WDR62: variants seen among roughly 807,000 people sequenced by gnomAD.
WDR62 encodes the protein WD repeat domain 62, also known as WD repeat-containing protein 62.
Under a neutral mutation model 160.6 loss-of-function variants are expected in WDR62, and 112 were observed. The ratio of observed to expected loss-of-function variants is 0.70; its 90% CI spans 0.60 to 0.82. The LOEUF (loss-of-function observed/expected upper bound fraction) is 0.82. WDR62 is among the 40% of genes least tolerant of loss of function. The pLI, the probability that WDR62 is intolerant of heterozygous loss-of-function variation, is 0.00. For missense variants in WDR62, 1,819 were observed against 1,983.8 expected (o/e 0.92, Z 1.58); for synonymous variants, 792 against 815.1 (o/e 0.97, Z 0.48).
intron 9 of WDR62, among the ~76,000 whole-genome samples, chr19:36,077,595 CTCTT>C (rs1194819888): frequency 2.7e-5 from 4 of 146,258 alleles, no homozygotes; most frequent in Middle Eastern, 4.1e-3. Context: ...CTTTCTTTTC[CTCTT>C]TCTTTCTTTT....
intron 9 of WDR62, among the ~76,000 whole-genome samples, chr19:36,080,081 A>G (rs1971802742): frequency 6.6e-6 from 1 of 151,576 alleles, no homozygotes. Flanking sequence ...AGTTATATCT[A>G]ATCTTTGGTT....
At chr19:36,080,992 T>A (rs1247840598) in intron 9 of WDR62, among the ~76,000 whole-genome samples, 1 of 152,122 alleles carries the variant, frequency 6.6e-6, no homozygotes, top group African/African-American at 2.4e-5. Flanking sequence ...CAGTCTCATA[T>A]GTTGGCCAGA....
At position 36,097,143 on chromosome 19, in the gene WDR62, T is replaced by C. The variant is rs573426124; in HGVS notation, c.2520+64T>C. On this transcript the variant is annotated intron_variant, in intron 21 of 31. Transcript: ENST00000401500. Reference sequence around the variant, plus strand: ...AGGAAACGCCTCCCCAGCTCTGCCTTCTGGAAGCCCTTTTTCCTTTCCATG... The same window carrying C: ...AGGAAACGCCTCCCCAGCTCTGCCTCCTGGAAGCCCTTTTTCCTTTCCATG... The C allele has an allele frequency of 2.0e-5, 31 of 1,522,530 alleles. 2 individuals are homozygous for C. The South Asian group carries it at 3.5e-4, about 17-fold the overall frequency. The allele number at this position is 1,522,530 out of a possible 1,614,324, so 94.3% of individuals were successfully genotyped here.
chr19:36,104,250 C>T (rs1307248385), intron 30 of WDR62, among the ~76,000 whole-genome samples: 2 of 152,114 alleles, frequency 1.3e-5, no homozygotes, highest in African/African-American at 4.8e-5. Context: ...ATATGTATCA[C>T]GAAGTGACAC....
intron 30 of WDR62, 97 bp from the exon 31 acceptor site, chr19:36,104,421 C>G: frequency 1.3e-6 from 2 of 1,503,902 alleles, no homozygotes; most frequent in Admixed American, 1.8e-5. Context: ...GAGAAGTGTT[C>G]CAGACAGAAG....
At chr19:36,078,359 G>A (rs1971700949) in intron 9 of WDR62, among the ~76,000 whole-genome samples, 1 of 151,234 alleles carries the variant, frequency 6.6e-6, no homozygotes, top group African/African-American at 2.4e-5. Flanking sequence ...TGTTGGCCAG[G>A]TTGGTCTCAA....
rs556800242 is a variant in WDR62, at chr19:36,092,782, A to G, written c.2304A>G (p.Thr768=). 6.2e-7 allele frequency: 1 copy of G among 1,614,136 alleles called. No homozygotes were observed. The highest frequency in any genetic ancestry group is 1.7e-5 in the Admixed American group (1 of 60,024). The change falls in exon 19 of 32, where the codon ACA becomes ACG. Residue 768 remains threonine, a synonymous_variant. Transcript: ENST00000401500. Reference sequence around the variant, plus strand: ...ACCACCGGCAGCAGCAGCAGCACACAAATGACAAGAAGCGGAGTGGCCACC... The same window carrying G: ...ACCACCGGCAGCAGCAGCAGCACACGAATGACAAGAAGCGGAGTGGCCACC... ...EIDHRQQQQH[T]NDKKRSGHPR... is the part of the protein sequence containing the mutation.
chr19:36,078,134 G>C (rs1971683293), intron 9 of WDR62, among the ~76,000 whole-genome samples: 1 of 151,302 alleles, frequency 6.6e-6, no homozygotes, highest in Non-Finnish European at 1.5e-5. Flanking sequence ...CTATGAACAT[G>C]TAAGTACAAG....
intron 13 of WDR62, among the ~76,000 whole-genome samples, chr19:36,088,190 AT>A (rs1258336944): frequency 6.6e-6 from 1 of 152,138 alleles, no homozygotes; most frequent in African/African-American, 2.4e-5. Context: ...TCAGAGTTTT[AT>A]ATTTGTTCTG....
chr19:36,080,015 C>T (rs1406939732), intron 9 of WDR62, among the ~76,000 whole-genome samples: 1 of 152,182 alleles, frequency 6.6e-6, no homozygotes, highest in Admixed American at 6.5e-5. Flanking sequence ...TTGTCCTTCT[C>T]AGCTTCATTC....
At chr19:36,086,415 G>A (rs1475310836) in intron 12 of WDR62, among the ~76,000 whole-genome samples, 1 of 152,210 alleles carries the variant, frequency 6.6e-6, no homozygotes, top group African/African-American at 2.4e-5. Flanking sequence ...GGCGTCTGCT[G>A]TGGATGTCCC....
chr19:36,066,085 G>A (rs1014386056), intron 4 of WDR62, 70 bp downstream of exon 4: 102 of 1,587,436 alleles, frequency 6.4e-5, no homozygotes, highest in Non-Finnish European at 7.3e-5. Flanking sequence ...TTCTGCTCCC[G>A]GCAGGCCTGG....
intron 9 of WDR62, among the ~76,000 whole-genome samples, chr19:36,078,601 G>A (rs1351362164): frequency 6.6e-6 from 1 of 151,904 alleles, no homozygotes; most frequent in Non-Finnish European, 1.5e-5. Context: ...TTGGGAGGCC[G>A]AGGCAGGTGG....
rs1972098353 is a variant in WDR62, at chr19:36,084,671, C to G, written c.1569C>G (p.Phe523Leu). 6.2e-7 allele frequency: 1 copy of G among 1,613,892 alleles called. No homozygotes were observed. The highest frequency in any genetic ancestry group is 2.2e-5 in the East Asian group (1 of 44,882). ...CTCCCAGGATCCACGAGCTGCACTT[C>G]ATGGACGAGCTGGTCAAGGTGGAGG... ...SGNLRIHELH[F>L]MDELVKVEAH... The change falls in exon 12 of 32, where the codon TTC becomes TTG. Residue 523 changes from phenylalanine to leucine, a missense_variant. This residue lies in a region of WDR62 where 934 missense variants were observed against 1,157.2 expected (regional missense o/e 0.81). Transcript: ENST00000401500.
intron 1 of WDR62, among the ~76,000 whole-genome samples, chr19:36,056,673 A>G (rs1970388645): frequency 6.6e-6 from 1 of 152,228 alleles, no homozygotes; most frequent in African/African-American, 2.4e-5. Flanking sequence ...ACATATAACA[A>G]TAGCAAATTC....
In WDR62 at chr19:36,081,501, C is replaced by T. The variant is rs1336679196; in HGVS notation, c.1302C>T (p.Asp434=). ...PSGSFLTCSS[D]NTIRFWNLDS... is the part of the protein sequence containing the mutation. ...GATCCTTTCTGACTTGTTCTTCAGA[C>T]AACACCATTCGCTTCTGGAACTTGG... Residue 434 remains aspartate (D), a synonymous_variant, in exon 10 of 32, where the codon GAC becomes GAT. Transcript: ENST00000401500. 1 of 1,614,184 alleles carries T rather than the reference C, an allele frequency of 6.2e-7. No homozygotes were observed. Among genetic ancestry groups the T allele is most frequent in the East Asian group, 2.2e-5 (1 of 44,884 alleles).
chr19:36,068,937 C>T (rs1158812102), intron 7 of WDR62, among the ~76,000 whole-genome samples: 1 of 151,708 alleles, frequency 6.6e-6, no homozygotes, highest in Admixed American at 6.6e-5. Context: ...GGCGGCCGGG[C>T]AGAGGCACCC....
chr19:36,073,533 T>TGGGGGGGGGGGGG lies in WDR62; in HGVS notation c.1233+3_1233+4insGGGGGGGGGGGGG. On this transcript the variant is annotated splice_region_variant and intron_variant, in intron 9 of 31. Coordinates refer to ENST00000401500, the MANE Select transcript of WDR62 (RefSeq NM_001083961.2). ...AGCTCCTACGTTTGGAACGTGGAGG[T>TGGGGGGGGGGGGG]GAGCCCCCCCCCCACCCCCTTGCCC... 1.9e-6 allele frequency: 3 copies of TGGGGGGGGGGGGG among 1,607,316 alleles called. No individual in the cohort carries two copies. Among genetic ancestry groups the TGGGGGGGGGGGGG allele is most frequent in the Non-Finnish European group, 1.7e-6 (2 of 1,176,598 alleles).
intron 9 of WDR62, chr19:36,076,040 A>G (rs917745577): frequency 1.3e-5 from 2 of 152,322 alleles, no homozygotes; most frequent in East Asian, 1.9e-4. Flanking sequence ...ATTTAAATAT[A>G]TCAGATATGT....
Sources: allele counts gnomAD v4.1 joint callset (sites outside exome capture counted in the v4.1 genomes callset), GRCh38; gene constraint gnomAD v4.1.1; regional missense constraint gnomAD v4.1.1; transcripts MANE v1.5; gene names NCBI Gene and HGNC (gene_info 2026-07-23, HGNC 2026-07-21).